Variants in NCKAP1 observed in about 807,000 individuals in gnomAD.
NCKAP1 encodes the protein NCK associated protein 1.
A neutral mutation model predicts 151.2 loss-of-function variants in NCKAP1; 21 were observed. The ratio of observed to expected loss-of-function variants is 0.14; its 90% CI spans 0.10 to 0.20. The LOEUF (loss-of-function observed/expected upper bound fraction) is 0.20, where lower values mean the gene tolerates loss of function less well. Among genes scored for constraint, NCKAP1 ranks in the 10% least tolerant of loss-of-function variants. The probability of loss-of-function intolerance (pLI) is 1.00; values close to 1 mark genes in which losing one functional copy is unlikely to be tolerated. For synonymous variants in NCKAP1, 484 were observed against 451.8 expected (o/e 1.07, Z -0.90); for missense variants, 933 against 1,352.1 (o/e 0.69, Z 4.86).
chr2:182,967,715 G>A (rs200368578), intron 15 of NCKAP1, among the ~76,000 whole-genome samples: 1 of 152,210 alleles, frequency 6.6e-6, no homozygotes, highest in East Asian at 1.9e-4. Flanking sequence ...ACACACACAG[G>A]AAGCAATCAG....
chr2:183,002,467 T>A (rs1698392200), intron 4 of NCKAP1, among the ~76,000 whole-genome samples, 198 bp from the exon 5 acceptor site: 1 of 152,118 alleles, frequency 6.6e-6, no homozygotes, highest in African/African-American at 2.4e-5. Flanking sequence ...CTGACACAAT[T>A]TTATGGATGA....
chr2:183,019,361 T>TA (rs1559108785), intron 2 of NCKAP1, among the ~76,000 whole-genome samples: 1 of 152,098 alleles, frequency 6.6e-6, no homozygotes, highest in Non-Finnish European at 1.5e-5. Context: ...AAAAAAAGTT[T>TA]AAAAAATATT....
chr2:182,951,145 T>C (rs1697207079), intron 23 of NCKAP1, among the ~76,000 whole-genome samples: 1 of 152,090 alleles, frequency 6.6e-6, no homozygotes, highest in Non-Finnish European at 1.5e-5. Context: ...GCTTGAGTTC[T>C]TAACCAATGG....
At chr2:182,937,116 A>C (rs1313213556) in intron 24 of NCKAP1, among the ~76,000 whole-genome samples, 2 of 2,956 alleles carry the variant, frequency 6.8e-4, no homozygotes, top group Admixed American at 7.9e-3. Flanking sequence ...CTGTCTCACA[A>C]AAAAAAAAAA....
intron 2 of NCKAP1, among the ~76,000 whole-genome samples, chr2:183,019,055 A>C (rs1218958532): frequency 3.9e-5 from 6 of 152,208 alleles, no homozygotes; most frequent in South Asian, 2.1e-4. Flanking sequence ...AGGAAAACAT[A>C]ATTTTCAAAT....
rs1698469979 is a variant in NCKAP1 at position 183,006,235 on chromosome 2, T to C, written c.220-2910A>G. Among the ~76,000 whole-genome samples the C allele has an allele frequency of 2.0e-5, 3 of 152,138 alleles. No individual in the cohort carries two copies. In the South Asian group the frequency reaches 6.2e-4, roughly 31 times the overall value. On this transcript the variant is annotated intron_variant, in intron 2 of 30. Coordinates refer to ENST00000361354, the MANE Select transcript of NCKAP1 (RefSeq NM_013436.5). Reference sequence around the variant, plus strand: ...GCAACCATGGTTAAATGACTTAACATCTCTAGCCTAATACCCTCCTCATCG... The same window carrying C: ...GCAACCATGGTTAAATGACTTAACACCTCTAGCCTAATACCCTCCTCATCG...
intron 24 of NCKAP1, 41 bp from the exon 25 acceptor site, chr2:182,935,416 G>A: frequency 3.2e-6 from 4 of 1,236,426 alleles, no homozygotes; most frequent in Admixed American, 5.3e-5. Flanking sequence ...ATAAAAAAGT[G>A]TGAACTGGAT....
rs543193470 is a variant in NCKAP1, at chr2:182,988,281, T to A, written c.947+749A>T. Among the ~76,000 whole-genome samples, 6 of 152,330 alleles carry A rather than the reference T, an allele frequency of 3.9e-5. No individual in the cohort carries two copies. In the East Asian group the frequency reaches 1.2e-3, roughly 29 times the overall value. ...AAGTTTTATTTCATTTCAATGTCAT[T>A]AAGTCATTATTCAACTGGATGTGAA... is the stretch of plus-strand genomic sequence containing the variant. On this transcript the variant is annotated intron_variant, in intron 9 of 30. Coordinates refer to ENST00000361354, the MANE Select transcript of NCKAP1 (RefSeq NM_013436.5).
Position 183,023,920 on chromosome 2 carries a change from T to C in NCKAP1, c.109-4A>G, listed in dbSNP as rs760979354. The C allele has an allele frequency of 1.3e-6, 2 of 1,576,680 alleles. No homozygotes were observed. The highest frequency in any genetic ancestry group is 1.7e-6 in the Non-Finnish European group (2 of 1,157,498). On this transcript the variant is annotated splice_polypyrimidine_tract_variant and splice_region_variant and intron_variant, in intron 1 of 30. Coordinates refer to ENST00000361354, the MANE Select transcript of NCKAP1 (RefSeq NM_013436.5). The stretch of plus-strand genomic sequence containing the variant: ...TTGCCTTGGGGTCTCCACATGCCTA[T>C]AAAACAACAGTAATAAAAAAAAGTG...
chr2:183,033,150 T>G (rs72888487), intron 1 of NCKAP1, among the ~76,000 whole-genome samples: 13,755 of 152,252 alleles, frequency 0.09, 749 homozygotes, highest in Non-Finnish European at 0.12. Context: ...GTTGAGTAAA[T>G]TATCTGGTAA....
rs549934665 is a variant in NCKAP1 at position 183,019,005 on chromosome 2, G to A, written c.219+4801C>T. Among the ~76,000 whole-genome samples, 5 of 152,090 alleles carry A rather than the reference G, an allele frequency of 3.3e-5. 1 individual carries two copies. Among genetic ancestry groups the A allele is most frequent in the African/African-American group, 9.6e-5 (4 of 41,498 alleles). The stretch of plus-strand genomic sequence containing the variant: ...ATAATTCTATGTTCCTTGGGAGAGG[G>A]GATAAATAATATCTATAACATAAAA... On this transcript the variant is annotated intron_variant, in intron 2 of 30. Coordinates refer to ENST00000361354, the MANE Select transcript of NCKAP1 (RefSeq NM_013436.5).
chr2:183,037,868 C>CGG, intron 1 of NCKAP1, 124 bp downstream of exon 1: 2 of 691,734 alleles, frequency 2.9e-6, no homozygotes, highest in Non-Finnish European at 4.3e-6. Context: ...GGCCGGGCCT[C>CGG]GGGCGGCGAC....
intron 2 of NCKAP1, among the ~76,000 whole-genome samples, chr2:183,022,008 G>C (rs564327288): frequency 1.3e-5 from 2 of 152,148 alleles, no homozygotes; most frequent in South Asian, 4.1e-4. Flanking sequence ...AAGTTAGAAA[G>C]AGAAGTAAAA....
intron 11 of NCKAP1, 107 bp from the exon 12 acceptor site, chr2:182,983,034 A>G: frequency 2.4e-6 from 2 of 845,236 alleles, no homozygotes; most frequent in Non-Finnish European, 3.7e-6. Context: ...ATATCAATTC[A>G]AAAGAGTGAA....
At position 182,956,908 on chromosome 2, in the gene NCKAP1, GA is replaced by G. The variant is rs957115558; in HGVS notation, c.2022-316del. On this transcript the variant is annotated intron_variant, in intron 19 of 30. Transcript: ENST00000361354. ...GAAGTACTTTCTGTTATGAGAGAAG[GA>G]AAGTTGTCTATAAAAGGGCAATGGC... The G allele has an allele frequency of 5.1e-5, 10 of 195,748 alleles. 1 individual carries two copies. Among genetic ancestry groups the G allele is most frequent in the Non-Finnish European group, 9.1e-5 (9 of 98,616 alleles). The allele number at this position is 195,748 out of a possible 1,614,324, so 12.1% of individuals were successfully genotyped here.
At position 182,914,419 on chromosome 2, in the gene NCKAP1, T is replaced by A. The variant is rs1372675373; in HGVS notation, c.*11283A>T. ...TGAATAGATTAAAACAGGCAATTTC[T>A]ATTTCTTTAACTTTCCTACTCAAGC... is the stretch of plus-strand genomic sequence containing the variant. On this transcript the variant is annotated 3_prime_UTR_variant, in exon 31 of 31. Coordinates refer to ENST00000361354, the MANE Select transcript of NCKAP1 (RefSeq NM_013436.5). 1.3e-5 allele frequency: 2 copies of A among 152,214 alleles called. No individual in the cohort carries two copies. Among genetic ancestry groups the A allele is most frequent in the Non-Finnish European group, 2.9e-5 (2 of 68,038 alleles). The allele number at this position is 152,214 out of a possible 1,614,324, so 9.4% of individuals were successfully genotyped here. A position where few individuals can be genotyped will look rare whatever the true frequency, so the allele number is the denominator to read the frequency against.
chr2:182,986,257 T>A (rs1698054315), intron 9 of NCKAP1, 30 bp from the exon 10 acceptor site: 1 of 1,546,642 alleles, frequency 6.5e-7, no homozygotes, highest in East Asian at 2.3e-5. Flanking sequence ...AGAACGTTAG[T>A]TTAATTTGAT....
intron 2 of NCKAP1, among the ~76,000 whole-genome samples, chr2:183,016,427 C>T (rs1698688813): frequency 6.6e-6 from 1 of 152,198 alleles, no homozygotes; most frequent in South Asian, 2.1e-4. Flanking sequence ...GAGTCATTAA[C>T]AACTCAATAC....
In NCKAP1 at chr2:182,925,603, C is replaced by A; in HGVS notation, c.*99G>T. Reference sequence around the variant, plus strand: ...AACCGTATGAAAGAAATTTATAATCCACAAAACTTTTTCAGGTCTTAAGGT... The same window carrying A: ...AACCGTATGAAAGAAATTTATAATCAACAAAACTTTTTCAGGTCTTAAGGT... On this transcript the variant is annotated 3_prime_UTR_variant, in exon 31 of 31. Coordinates refer to ENST00000361354, the MANE Select transcript of NCKAP1 (RefSeq NM_013436.5). 1 of 560,934 alleles carries A rather than the reference C, an allele frequency of 1.8e-6. No individual in the cohort carries two copies. Among genetic ancestry groups the A allele is most frequent in the South Asian group, 3.9e-5 (1 of 25,590 alleles). 34.7% of individuals were successfully genotyped at this position (560,934 alleles called of 1,614,324 possible).
Sources: gnomAD v4.1 joint callset for allele counts (sites outside exome capture counted in the v4.1 genomes callset) on GRCh38, gnomAD v4.1.1 for gene constraint, MANE v1.5 for transcripts, NCBI Gene and HGNC (gene_info 2026-07-23, HGNC 2026-07-21) for gene names.